Variants in CAPSL observed in about 807,000 individuals in gnomAD.
CAPSL encodes the protein calcyphosin-like protein.
Under a neutral mutation model 21.3 loss-of-function variants are expected in CAPSL, and 17 were observed. The observed-to-expected ratio is 0.80, with a 90% CI of 0.55 to 1.20. The LOEUF is 1.20. Ranked by LOEUF, CAPSL falls within the 50% of genes most tolerant of loss-of-function variation. The probability of loss-of-function intolerance (pLI) is 0.00; values close to 1 mark genes in which losing one functional copy is unlikely to be tolerated. For missense variants in CAPSL, 289 were observed against 259.3 expected (o/e 1.11, Z -0.79); for synonymous variants, 102 against 89.3 (o/e 1.14, Z -0.80).
intron 1 of CAPSL, among the ~76,000 whole-genome samples, chr5:35,926,396 G>A (rs951878860): frequency 6.6e-6 from 1 of 152,168 alleles, no homozygotes; most frequent in African/African-American, 2.4e-5. Context: ...TGTAGCTACG[G>A]TAGCAATGGT....
rs747567733 is a variant in CAPSL, at chr5:35,910,512, G to GATT, written c.166_168dup (p.Asn56dup). 6.2e-7 allele frequency: 1 copy of GATT among 1,607,714 alleles called. No individual in the cohort carries two copies. Among genetic ancestry groups the GATT allele is most frequent in the South Asian group, 1.1e-5 (1 of 90,198 alleles). Reference sequence around the variant, plus strand: ...ATAAATTCTTTAAAATCAAGGGTTCGATTATTATCGTCATCCATAATTCTA... The same window carrying GATT: ...ATAAATTCTTTAAAATCAAGGGTTCGATTATTATTATCGTCATCCATAATTCTA... On this transcript the variant is annotated inframe_insertion, in exon 3 of 5. Coordinates refer to ENST00000651391, the MANE Select transcript of CAPSL (RefSeq NM_001042625.2).
In CAPSL at chr5:35,909,865, C is replaced by T. The variant is rs200474321; in HGVS notation, c.525+1G>A. 1 of 1,606,664 alleles carries T rather than the reference C, an allele frequency of 6.2e-7. No individual in the cohort carries two copies. Among genetic ancestry groups the T allele is most frequent in the Admixed American group, 1.7e-5 (1 of 58,606 alleles). On this transcript the variant is annotated splice_donor_variant, in intron 4 of 4. Transcript: ENST00000651391. LOFTEE classifies it high-confidence loss of function. ...CCCCTAGATTAGGCTCTTTTACTTA[C>T]CAATCCATCTTTGTCATAGGGTGAA...
At chr5:35,921,731 A>G (rs1032167315) in intron 1 of CAPSL, among the ~76,000 whole-genome samples, 5 of 152,142 alleles carry the variant, frequency 3.3e-5, no homozygotes, top group African/African-American at 1.2e-4. Context: ...GAGCTCTCAA[A>G]GCTTGCACAA....
At chr5:35,937,316 T>C (rs895765834) in intron 1 of CAPSL, among the ~76,000 whole-genome samples, 2 of 152,246 alleles carry the variant, frequency 1.3e-5, no homozygotes, top group Admixed American at 6.5e-5. Flanking sequence ...GTTCTTAGCA[T>C]TGAATTCATG....
chr5:35,917,249 C>A (rs1466111277), intron 2 of CAPSL, among the ~76,000 whole-genome samples: 1 of 152,134 alleles, frequency 6.6e-6, no homozygotes, highest in African/African-American at 2.4e-5. Flanking sequence ...GAAATAGGAA[C>A]ACTTTTACAC....
chr5:35,911,939 G>A (rs533573476), intron 2 of CAPSL, among the ~76,000 whole-genome samples: 1 of 152,292 alleles, frequency 6.6e-6, no homozygotes, highest in East Asian at 1.9e-4. Context: ...AGCGCAAGGG[G>A]TCAGGGAATT....
In CAPSL at chr5:35,935,692, CT is replaced by C. The variant is rs571465825; in HGVS notation, c.-1+2848del. Among the ~76,000 whole-genome samples the C allele has an allele frequency of 1.6e-3, 251 of 152,238 alleles. 2 individuals carry two copies. Among genetic ancestry groups the C allele is most frequent in the African/African-American group, 5.6e-3 (233 of 41,518 alleles). On this transcript the variant is annotated intron_variant, in intron 1 of 4. Coordinates refer to ENST00000651391, the MANE Select transcript of CAPSL (RefSeq NM_001042625.2). ...GCAGTGTTCAGTTCCATTATTCCAA[CT>C]TGCTTCTGACCTTATGGTACCTCCA...
intron 1 of CAPSL, among the ~76,000 whole-genome samples, chr5:35,932,516 A>G (rs1738847905): frequency 6.6e-6 from 1 of 152,218 alleles, no homozygotes; most frequent in South Asian, 2.1e-4. Flanking sequence ...CCTTCTATGT[A>G]AATCTTATCA....
intron 1 of CAPSL, among the ~76,000 whole-genome samples, chr5:35,929,690 G>A (rs1004509424): frequency 1.3e-5 from 2 of 152,198 alleles, no homozygotes; most frequent in African/African-American, 4.8e-5. Flanking sequence ...TGAAGTAAGA[G>A]ATGCAGGAAG....
intron 1 of CAPSL, among the ~76,000 whole-genome samples, chr5:35,926,279 G>A (rs1489456430): frequency 6.6e-6 from 1 of 152,114 alleles, no homozygotes; most frequent in African/African-American, 2.4e-5. Context: ...GGCGGACTCG[G>A]GGCTGGCATC....
At chr5:35,907,034 A>G (rs1452751965) in intron 4 of CAPSL, among the ~76,000 whole-genome samples, 3 of 152,236 alleles carry the variant, frequency 2.0e-5, no homozygotes, top group Admixed American at 2.0e-4. Context: ...TGCCCTCATC[A>G]TAGTAAATTG....
At position 35,909,959 on chromosome 5, in the gene CAPSL, G is replaced by GT; in HGVS notation, c.431dup (p.His144GlnfsTer12). On this transcript the variant is annotated frameshift_variant, in exon 4 of 5. Coordinates refer to ENST00000651391, the MANE Select transcript of CAPSL (RefSeq NM_001042625.2). LOFTEE classifies it high-confidence loss of function. ...ATTCCCCATTCTGGTACTTTGGGTG[G>GT]TGTTTTGCATTATATACTTCACGAA... The GT allele has an allele frequency of 1.9e-6, 3 of 1,613,726 alleles. No individual in the cohort carries two copies. The highest frequency in any genetic ancestry group is 2.5e-6 in the Non-Finnish European group (3 of 1,179,858).
intron 4 of CAPSL, among the ~76,000 whole-genome samples, chr5:35,907,936 A>T (rs1415933576): frequency 6.6e-6 from 1 of 152,220 alleles, no homozygotes. Context: ...GTGCATTTAA[A>T]ATACAATTCA....
chr5:35,926,339 A>G lies in CAPSL; in HGVS notation c.1-5219T>C, dbSNP rs142022585. On this transcript the variant is annotated intron_variant, in intron 1 of 4. Coordinates refer to ENST00000651391, the MANE Select transcript of CAPSL (RefSeq NM_001042625.2). ...CTCTCACCCTCCAGTGGCTGGCAGC[A>G]AGGGAGGATATTCACAGAAGCCTGG... Among the ~76,000 whole-genome samples, 37 of 152,244 alleles carry G rather than the reference A, an allele frequency of 2.4e-4. 1 individual carries two copies. In the South Asian group the frequency reaches 6.2e-3, roughly 26 times the overall value.
At position 35,914,725 on chromosome 5, in the gene CAPSL, T is replaced by C. The variant is rs907705171; in HGVS notation, c.138-4182A>G. ...ATTCAAAGCAGTGTGTAGAGGGAAA[T>C]TTATAGCACTAAATGTCCACAAGAG... On this transcript the variant is annotated intron_variant, in intron 2 of 4. Coordinates refer to ENST00000651391, the MANE Select transcript of CAPSL (RefSeq NM_001042625.2). Among the ~76,000 whole-genome samples the C allele has an allele frequency of 9.9e-5, 15 of 151,716 alleles. 1 individual carries two copies. Among genetic ancestry groups the C allele is most frequent in the Admixed American group, 9.8e-4 (15 of 15,260 alleles).
At chr5:35,917,831 C>T (rs369981976) in intron 2 of CAPSL, among the ~76,000 whole-genome samples, 10 of 151,906 alleles carry the variant, frequency 6.6e-5, no homozygotes, top group South Asian at 2.1e-4. Context: ...CAAACCTGCG[C>T]GTTGTGCACG....
Position 35,904,416 on chromosome 5 carries a change from T to C in CAPSL, c.*129A>G, listed in dbSNP as rs1760622869. On this transcript the variant is annotated 3_prime_UTR_variant, in exon 5 of 5. Transcript: ENST00000651391. ...CTGCCTGTTTTTTGGCCCCAGAAAA[T>C]GCAATATTTTGACACAGAAAAAAAC... 1 of 722,692 alleles carries C rather than the reference T, an allele frequency of 1.4e-6. No individual in the cohort carries two copies. Among genetic ancestry groups the C allele is most frequent in the South Asian group, 1.9e-5 (1 of 53,518 alleles). The allele number at this position is 722,692 out of a possible 1,614,324, so 44.8% of individuals were successfully genotyped here. A position where few individuals can be genotyped will look rare whatever the true frequency, so the allele number is the denominator to read the frequency against.
intron 4 of CAPSL, among the ~76,000 whole-genome samples, chr5:35,905,485 C>T (rs191050927): frequency 6.6e-6 from 1 of 152,240 alleles, no homozygotes; most frequent in East Asian, 1.9e-4. Context: ...GTCACTGGAT[C>T]CACAGTTGTC....
At chr5:35,934,553 T>A (rs1436999552) in intron 1 of CAPSL, among the ~76,000 whole-genome samples, 1 of 152,200 alleles carries the variant, frequency 6.6e-6, no homozygotes, top group African/African-American at 2.4e-5. Flanking sequence ...CAGTAGAAGA[T>A]CAGAGGAGAG....
Sources: allele counts gnomAD v4.1 joint callset (sites outside exome capture counted in the v4.1 genomes callset), GRCh38; gene constraint gnomAD v4.1.1; transcripts MANE v1.5; gene names NCBI Gene and HGNC (gene_info 2026-07-23, HGNC 2026-07-21).